The following CCDC148 variants were observed in gnomAD, a reference collection of about 807,000 sequenced individuals.
CCDC148 encodes coiled-coil domain containing 148.
A neutral mutation model predicts 85.7 loss-of-function variants in CCDC148; 89 were observed. That is an observed-to-expected ratio of 1.04 (90% confidence interval 0.87 to 1.24). The LOEUF (loss-of-function observed/expected upper bound fraction) is 1.24, where lower values mean the gene tolerates loss of function less well. CCDC148 is among the 50% of genes most tolerant of loss of function. The pLI is 0.00. For missense variants in CCDC148, 692 were observed against 671.7 expected, an observed-to-expected ratio of 1.03 and a Z score of -0.33; for synonymous variants, 230 against 213.9, an observed-to-expected ratio of 1.08 and a Z score of -0.66.
At chr2:158,379,792 G>C (rs72942368) in intron 1 of CCDC148, among the ~76,000 whole-genome samples, 224 of 152,190 alleles carry the variant, frequency 1.5e-3, no homozygotes, top group Non-Finnish European at 2.1e-3. Context: ...TTATTTTTTA[G>C]ACATAATGCT....
intron 7 of CCDC148, among the ~76,000 whole-genome samples, chr2:158,319,057 C>A (rs1016383604): frequency 6.6e-6 from 1 of 152,166 alleles, no homozygotes; most frequent in African/African-American, 2.4e-5. Context: ...TAAGCCACAG[C>A]ACCTCACCTA....
chr2:158,351,792 G>T (rs1165724467), intron 2 of CCDC148, among the ~76,000 whole-genome samples: 1 of 151,938 alleles, frequency 6.6e-6, no homozygotes, highest in Admixed American at 6.5e-5. Context: ...CAAACAAAAA[G>T]ACAGCAGTAA....
intron 1 of CCDC148, among the ~76,000 whole-genome samples, chr2:158,371,246 A>G (rs2105279765): frequency 6.6e-6 from 1 of 152,162 alleles, no homozygotes; most frequent in African/African-American, 2.4e-5. Context: ...ACCTTCTACT[A>G]AAAGGCAGAC....
chr2:158,428,486 C>T (rs1687177205), intron 1 of CCDC148, among the ~76,000 whole-genome samples: 1 of 151,866 alleles, frequency 6.6e-6, no homozygotes, highest in South Asian at 2.1e-4. Flanking sequence ...ATTTCATTAA[C>T]TTGACTTTGA....
chr2:158,391,012 G>A (rs1394258438), intron 1 of CCDC148, among the ~76,000 whole-genome samples: 2 of 152,282 alleles, frequency 1.3e-5, no homozygotes, highest in Non-Finnish European at 1.5e-5. Flanking sequence ...GTAATACATG[G>A]CTGGTGCCAG....
chr2:158,406,620 T>TCTG (rs1686020302), intron 1 of CCDC148, among the ~76,000 whole-genome samples: 3 of 98,408 alleles, frequency 3.0e-5, no homozygotes, highest in African/African-American at 1.1e-4. Context: ...TTTCTTTTTT[T>TCTG]TTTTTTTTTT....
rs2105228491 is a variant in CCDC148, at chr2:158,328,392, T to C, written c.764+10334A>G. On this transcript the variant is annotated intron_variant, in intron 7 of 13. Transcript: ENST00000283233. ...TGTTCCATGGTGTATATGTGCCACATTTTCTTAATCCAGTCTATCATTGTT... is the reference window on the plus strand; with the variant it reads ...TGTTCCATGGTGTATATGTGCCACACTTTCTTAATCCAGTCTATCATTGTT... Among the ~76,000 whole-genome samples the C allele has an allele frequency of 1.3e-5, 2 of 152,336 alleles. 1 individual carries two copies. Among genetic ancestry groups the C allele is most frequent in the South Asian group, 4.1e-4 (2 of 4,828 alleles).
At chr2:158,443,515 A>AAAAAAAAAAAAAAAAAAAAAAAAAAAAG (rs1553524474) in intron 1 of CCDC148, among the ~76,000 whole-genome samples, 3 of 100,894 alleles carry the variant, frequency 3.0e-5, no homozygotes, top group Non-Finnish European at 6.1e-5. Context: ...AAAAAAAAAA[A>AAAAAAAAAAAAAAAAAAAAAAAAAAAAG]AAAAAAAAGA....
At chr2:158,214,033 G>T (rs555461982) in intron 11 of CCDC148, among the ~76,000 whole-genome samples, 16 of 151,292 alleles carry the variant, frequency 1.1e-4, no homozygotes, top group African/African-American at 3.9e-4. Context: ...TACCATGAGG[G>T]CTAAGTGGCA....
intron 1 of CCDC148, among the ~76,000 whole-genome samples, chr2:158,401,836 A>G (rs1325164909): frequency 6.6e-6 from 1 of 152,036 alleles, no homozygotes; most frequent in Non-Finnish European, 1.5e-5. Context: ...GGGAGAACAT[A>G]TCAGAATTGT....
intron 1 of CCDC148, among the ~76,000 whole-genome samples, chr2:158,359,205 A>G (rs1683814772): frequency 6.6e-6 from 1 of 152,222 alleles, no homozygotes; most frequent in Non-Finnish European, 1.5e-5. Context: ...CAAGTAGCAT[A>G]AAGTACAATA....
intron 9 of CCDC148, among the ~76,000 whole-genome samples, chr2:158,274,943 G>A (rs951342079): frequency 5.3e-5 from 8 of 152,220 alleles, no homozygotes; most frequent in Admixed American, 2.0e-4. Flanking sequence ...CAAGATGAAA[G>A]GAGCAAGTCA....
chr2:158,174,613 T>C (rs1439015331), intron 13 of CCDC148, among the ~76,000 whole-genome samples: 1 of 152,074 alleles, frequency 6.6e-6, no homozygotes, highest in Non-Finnish European at 1.5e-5. Context: ...ACTGAGATGG[T>C]ACAGCCTTCT....
chr2:158,196,322 T>C (rs372189003), intron 11 of CCDC148, among the ~76,000 whole-genome samples: 2 of 152,292 alleles, frequency 1.3e-5, no homozygotes, highest in Admixed American at 1.3e-4. Flanking sequence ...ACTGCACATC[T>C]CTTCCCATCT....
rs774259102 is a variant in CCDC148 at position 158,178,990 on chromosome 2, T to C, written c.1377A>G (p.Lys459=). The C allele has an allele frequency of 1.2e-6, 2 of 1,609,414 alleles. No individual in the cohort carries two copies. Among genetic ancestry groups the C allele is most frequent in the Non-Finnish European group, 1.7e-6 (2 of 1,176,684 alleles). ...GCCTTTCCAATAATTCTTGTCTATATTTAACCCTTTAAAAATAACACAGAA... is the reference window on the plus strand; with the variant it reads ...GCCTTTCCAATAATTCTTGTCTATACTTAACCCTTTAAAAATAACACAGAA... ...EQSLKDRERV[K]YRQELLERRL... The change falls in exon 12 of 14, where the codon AAA becomes AAG. Residue 459 remains lysine (K), a synonymous_variant. Transcript: ENST00000283233.
At chr2:158,355,836 A>G (rs1202703602) in intron 2 of CCDC148, among the ~76,000 whole-genome samples, 1 of 134,876 alleles carries the variant, frequency 7.4e-6, no homozygotes, top group Admixed American at 7.1e-5. Flanking sequence ...ACTATACTAC[A>G]AGGCTACAGT....
At chr2:158,229,531 T>C (rs1687746720) in intron 10 of CCDC148, among the ~76,000 whole-genome samples, 1 of 152,226 alleles carries the variant, frequency 6.6e-6, no homozygotes, top group Non-Finnish European at 1.5e-5. Flanking sequence ...CAGTTTCTCA[T>C]AGTGATATTC....
intron 10 of CCDC148, among the ~76,000 whole-genome samples, chr2:158,232,880 A>T (rs1574457717): frequency 6.6e-6 from 1 of 152,134 alleles, no homozygotes; most frequent in Non-Finnish European, 1.5e-5. Flanking sequence ...GGGGCAGGGG[A>T]TGAAGAGAAG....
At chr2:158,211,186 AT>A (rs1686558919) in intron 11 of CCDC148, among the ~76,000 whole-genome samples, 2 of 149,502 alleles carry the variant, frequency 1.3e-5, no homozygotes, top group Admixed American at 6.6e-5. Flanking sequence ...AAGTATAATA[AT>A]AAAAAAAAAG....
Sources: allele counts gnomAD v4.1 joint callset (sites outside exome capture counted in the v4.1 genomes callset), GRCh38; gene constraint gnomAD v4.1.1; transcripts MANE v1.5; gene names NCBI Gene and HGNC (gene_info 2026-07-23, HGNC 2026-07-21).